ARHGEF28: variants seen among roughly 807,000 people sequenced by gnomAD.
The protein encoded by ARHGEF28 is Rho guanine nucleotide exchange factor 28.
In ARHGEF28, 152 loss-of-function variants were observed where a neutral mutation model predicts 206.6. That is an observed-to-expected ratio of 0.74 (90% CI 0.64 to 0.84). ARHGEF28 has a LOEUF of 0.84. ARHGEF28 is among the 40% of genes least tolerant of loss of function. The pLI is 0.00. For synonymous variants in ARHGEF28, 763 were observed against 776.4 expected (o/e 0.98, Z 0.29); for missense variants, 2,028 against 2,073.2 (o/e 0.98, Z 0.42).
chr5:73,911,211 A>T (rs1762880908), intron 34 of ARHGEF28, 64 bp from the exon 35 acceptor site: 2 of 1,404,310 alleles, frequency 1.4e-6, no homozygotes, highest in Non-Finnish European at 1.9e-6. Context: ...TCAGGAATAA[A>T]TACTTTATGA....
At chr5:73,700,778 T>C (rs1221763066) in intron 2 of ARHGEF28, among the ~76,000 whole-genome samples, 1 of 152,110 alleles carries the variant, frequency 6.6e-6, no homozygotes, top group African/African-American at 2.4e-5. Context: ...TGATTAAAAA[T>C]TAAATTCATC....
At chr5:73,704,693 G>A (rs925464515) in intron 2 of ARHGEF28, among the ~76,000 whole-genome samples, 1 of 152,120 alleles carries the variant, frequency 6.6e-6, no homozygotes, top group African/African-American at 2.4e-5. Context: ...CCAAAGTACT[G>A]GGATTACAGG....
At chr5:73,737,332 T>A (rs1428882922) in intron 2 of ARHGEF28, among the ~76,000 whole-genome samples, 1 of 152,004 alleles carries the variant, frequency 6.6e-6, no homozygotes, top group Non-Finnish European at 1.5e-5. Context: ...CTATTTCAAC[T>A]AAGCTCCATG....
Position 73,741,138 on chromosome 5 carries a change from G to T in ARHGEF28, c.34-8699G>T, listed in dbSNP as rs1367835437. 3.3e-5 allele frequency among the ~76,000 whole-genome samples: 5 copies of T among 152,072 alleles called. No homozygotes were observed. The East Asian group carries it at 9.7e-4, about 29-fold the overall frequency. On this transcript the variant is annotated intron_variant, in intron 2 of 35. Transcript: ENST00000513042. ...TTCTCTGTCTCCATGGAATTTGTAA[G>T]TTAGGGATTTGAAAAGGAAGCAAGC...
At chr5:73,687,688 GT>G (rs1747560288) in intron 2 of ARHGEF28, among the ~76,000 whole-genome samples, 1 of 151,664 alleles carries the variant, frequency 6.6e-6, no homozygotes, top group African/African-American at 2.4e-5. Flanking sequence ...GTTTCTCTTA[GT>G]TTACTAAATT....
At chr5:73,776,918 T>G (rs1363592251) in intron 6 of ARHGEF28, among the ~76,000 whole-genome samples, 4 of 152,208 alleles carry the variant, frequency 2.6e-5, no homozygotes, top group Admixed American at 2.6e-4. Flanking sequence ...GCCAGTCTTT[T>G]CCATAGTTGG....
chr5:73,729,189 T>C (rs1281222402), intron 2 of ARHGEF28, among the ~76,000 whole-genome samples: 1 of 152,166 alleles, frequency 6.6e-6, no homozygotes, highest in Non-Finnish European at 1.5e-5. Flanking sequence ...AGGCAAGTTA[T>C]TTAAGTGCTC....
At chr5:73,874,615 G>T (rs1339295470) in intron 22 of ARHGEF28, among the ~76,000 whole-genome samples, 4 of 129,870 alleles carry the variant, frequency 3.1e-5, no homozygotes, top group Non-Finnish European at 6.2e-5. Flanking sequence ...TCCCCTTCCA[G>T]TGTCCATGTG....
At chr5:73,917,921 A>AATT (rs1468862691) in intron 35 of ARHGEF28, among the ~76,000 whole-genome samples, 4 of 152,290 alleles carry the variant, frequency 2.6e-5, no homozygotes, top group African/African-American at 9.6e-5. Context: ...TTGGAGGGGA[A>AATT]ATTTGTATAC....
chr5:73,711,931 G>T (rs1442620089), intron 2 of ARHGEF28, among the ~76,000 whole-genome samples: 3 of 148,276 alleles, frequency 2.0e-5, no homozygotes, highest in African/African-American at 7.5e-5. Flanking sequence ...TCTAGGTTTG[G>T]GTTTTTTTTT....
At chr5:73,665,651 G>A (rs1260145298) in intron 1 of ARHGEF28, among the ~76,000 whole-genome samples, 3 of 152,156 alleles carry the variant, frequency 2.0e-5, no homozygotes, top group African/African-American at 4.8e-5. Context: ...GAGCATGAGA[G>A]AGGAAGAGGG....
chr5:73,923,517 T>G (rs1015512968), intron 35 of ARHGEF28, among the ~76,000 whole-genome samples: 3 of 152,182 alleles, frequency 2.0e-5, no homozygotes, highest in African/African-American at 7.2e-5. Context: ...CCCAGTAAAT[T>G]AAAATATTTT....
At chr5:73,756,273 G>C (rs73116573) in intron 4 of ARHGEF28, among the ~76,000 whole-genome samples, 1 of 152,134 alleles carries the variant, frequency 6.6e-6, no homozygotes, top group African/African-American at 2.4e-5. Flanking sequence ...TTCATATATA[G>C]AGTGTATTGT....
At chr5:73,934,182 G>A (rs1377139181) in intron 35 of ARHGEF28, among the ~76,000 whole-genome samples, 1 of 152,084 alleles carries the variant, frequency 6.6e-6, no homozygotes, top group Non-Finnish European at 1.5e-5. Context: ...CCCACATTCT[G>A]GATTTTCCTG....
At chr5:73,634,110 C>A (rs941011393) in intron 1 of ARHGEF28, among the ~76,000 whole-genome samples, 3 of 151,926 alleles carry the variant, frequency 2.0e-5, no homozygotes, top group Non-Finnish European at 4.4e-5. Context: ...TATTCACTAC[C>A]CCTTTTAGTC....
At chr5:73,919,444 T>G (rs1389265949) in intron 35 of ARHGEF28, among the ~76,000 whole-genome samples, 1 of 152,232 alleles carries the variant, frequency 6.6e-6, no homozygotes, top group East Asian at 1.9e-4. Flanking sequence ...CTCTGTCTAC[T>G]GGAACAAGTT....
At chr5:73,746,322 C>T (rs1237934761) in intron 2 of ARHGEF28, among the ~76,000 whole-genome samples, 1 of 152,036 alleles carries the variant, frequency 6.6e-6, no homozygotes, top group African/African-American at 2.4e-5. Flanking sequence ...GAACATCAAA[C>T]ACTTGGTGGA....
Position 73,904,404 on chromosome 5 carries a change from A to T in ARHGEF28, c.4160A>T (p.Gln1387Leu), listed in dbSNP as rs1762440930. 1.1e-5 allele frequency: 17 copies of T among 1,609,806 alleles called. No homozygotes were observed. The highest frequency in any genetic ancestry group is 1.2e-5 in the Non-Finnish European group (14 of 1,177,684). Residue 1387 changes from glutamine to leucine, a missense_variant and splice_region_variant, in exon 33 of 36, where the codon CAG (glutamine) becomes CTG (leucine). Coordinates refer to ENST00000513042, the MANE Select transcript of ARHGEF28 (RefSeq NM_001177693.2). ...TTAACCCGTCTCTTATACAGCCTTCAGGTAACTATCCTCCTCTAATCTTTG... is the reference window on the plus strand; with the variant it reads ...TTAACCCGTCTCTTATACAGCCTTCTGGTAACTATCCTCCTCTAATCTTTG... The part of the protein sequence containing the change: ...QNLTRLLYSL[Q>L]AALTIQDSHI...
rs751638718 is a variant in ARHGEF28, at chr5:73,749,977, C to T, written c.174C>T (p.Ser58=). 115 of 1,613,666 alleles carry T rather than the reference C, an allele frequency of 7.1e-5. No homozygotes were observed. Among genetic ancestry groups the T allele is most frequent in the East Asian group, 3.1e-4 (14 of 44,878 alleles). Residue 58 remains serine (S), a synonymous_variant, in exon 3 of 36, where the codon AGC becomes AGT. Transcript: ENST00000513042. ...ERIEDNVLQS[S]VPGHGLQETV... ...TCGAGGATAACGTTCTCCAGTCCAG[C>T]GTCCCAGGTGAGGTGTCCTCTTTGT...
Sources: allele counts gnomAD v4.1 joint callset (sites outside exome capture counted in the v4.1 genomes callset), GRCh38; gene constraint gnomAD v4.1.1; transcripts MANE v1.5; gene names NCBI Gene and HGNC (gene_info 2026-07-23, HGNC 2026-07-21).